TNNT1: variants seen among roughly 807,000 people sequenced by gnomAD.
TNNT1 encodes the protein troponin T1, slow skeletal type.
TNNT1 carries 53 observed loss-of-function variants against 50.6 expected under a neutral mutation model. That is an observed-to-expected ratio of 1.05 (90% confidence interval 0.84 to 1.32). The LOEUF (loss-of-function observed/expected upper bound fraction) is 1.32. Ranked by LOEUF, TNNT1 falls within the 40% of genes most tolerant of loss-of-function variation. The pLI is 0.00. For synonymous variants in TNNT1, 142 were observed against 138.0 expected (o/e 1.03, Z -0.20); for missense variants, 348 against 381.7 (o/e 0.91, Z 0.74).
chr19:55,147,234 G>A lies in TNNT1; in HGVS notation c.-11-66C>T, dbSNP rs563185689. 7 of 1,517,278 alleles carry A rather than the reference G, an allele frequency of 4.6e-6. No individual in the cohort carries two copies. The East Asian group carries it at 1.6e-4, about 35-fold the overall frequency. The allele number at this position is 1,517,278 out of a possible 1,614,324, so 94.0% of individuals were successfully genotyped here. ...AAGGAGGGGGCGACCTAGACTCCTGGGTGTGAGGGAGGAGGGGCTGGGGGC... is the reference window on the plus strand; with the variant it reads ...AAGGAGGGGGCGACCTAGACTCCTGAGTGTGAGGGAGGAGGGGCTGGGGGC... On this transcript the variant is annotated intron_variant, in intron 1 of 13. Coordinates refer to ENST00000588981, the MANE Select transcript of TNNT1 (RefSeq NM_003283.6).
chr19:55,146,149 G>T (rs978741203), intron 5 of TNNT1, among the ~76,000 whole-genome samples: 1 of 152,070 alleles, frequency 6.6e-6, no homozygotes, highest in Non-Finnish European at 1.5e-5. Flanking sequence ...GTGCTTCTCC[G>T]CAAACATCCA....
chr19:55,146,932 C>A (rs1360038509), intron 3 of TNNT1, 76 bp downstream of exon 3: 1 of 1,499,264 alleles, frequency 6.7e-7, no homozygotes, highest in African/African-American at 1.4e-5. Context: ...CGCCAAAGTG[C>A]CACACTCCTC....
chr19:55,143,628 A>G (rs1411448200), intron 6 of TNNT1, among the ~76,000 whole-genome samples: 2 of 152,170 alleles, frequency 1.3e-5, no homozygotes, highest in South Asian at 2.1e-4. Context: ...ATGGCTTACC[A>G]TATTGTACAG....
chr19:55,142,344 A>G (rs1247062120), intron 6 of TNNT1, among the ~76,000 whole-genome samples: 1 of 151,054 alleles, frequency 6.6e-6, no homozygotes, highest in East Asian at 2.0e-4. Flanking sequence ...GATGGTCTCG[A>G]TCTCCTGACC....
At chr19:55,140,719 G>C in intron 9 of TNNT1, 164 bp downstream of exon 9, 1 of 345,778 alleles carries the variant, frequency 2.9e-6, no homozygotes, top group Non-Finnish European at 4.9e-6. Flanking sequence ...AGAGGTTACA[G>C]TGAGCTGAGA....
rs78609897 is a variant in TNNT1, at chr19:55,149,062, C to T, written c.-12+99G>A. 2.5e-3 allele frequency: 1,119 copies of T among 446,036 alleles called. 6 individuals are homozygous for T. Among genetic ancestry groups the T allele is most frequent in the African/African-American group, 0.021 (1,050 of 49,892 alleles). The allele number at this position is 446,036 out of a possible 1,614,324, so 27.6% of individuals were successfully genotyped here. A position where few individuals can be genotyped will look rare whatever the true frequency, so the allele number is the denominator to read the frequency against. ...CAGTTGTATGCCCCACCTACCTCTG[C>T]ACCATTTCTCCACACCCGACATCTT... is the stretch of plus-strand genomic sequence containing the variant. On this transcript the variant is annotated intron_variant, in intron 1 of 13. Transcript: ENST00000588981.
rs544468186 is a variant in TNNT1, at chr19:55,136,734, T to G, written c.611+369A>C. ...TGTCTTGGCTATAGATGCGAGGGAC[T>G]CAGCTGGAAAATTCTCACCCGCATT... On this transcript the variant is annotated intron_variant, in intron 11 of 13. Coordinates refer to ENST00000588981, the MANE Select transcript of TNNT1 (RefSeq NM_003283.6). Among the ~76,000 whole-genome samples the G allele has an allele frequency of 3.3e-5, 5 of 152,244 alleles. No individual in the cohort carries two copies. In the South Asian group the frequency reaches 1.0e-3, roughly 32 times the overall value.
chr19:55,139,156 T>C (rs757080770), intron 9 of TNNT1, among the ~76,000 whole-genome samples: 1 of 152,146 alleles, frequency 6.6e-6, no homozygotes, highest in Non-Finnish European at 1.5e-5. Context: ...TGTGCCACCA[T>C]TACCAGCTAA....
intron 9 of TNNT1, 143 bp from the exon 10 acceptor site, chr19:55,138,217 G>A: frequency 2.1e-6 from 3 of 1,440,818 alleles, no homozygotes; most frequent in Non-Finnish European, 2.8e-6. Context: ...AGAAACGCAG[G>A]GGTACCCACT....
chr19:55,141,390 A>T (rs2560942), intron 7 of TNNT1, 88 bp from the exon 8 acceptor site: 1 of 961,280 alleles, frequency 1.0e-6, no homozygotes, highest in Non-Finnish European at 1.7e-6. Flanking sequence ...TGGTGAACTG[A>T]ACCGTTTCCC....
Position 55,141,163 on chromosome 19 carries a change from G to C in TNNT1, c.309+23C>G, listed in dbSNP as rs757458983. On this transcript the variant is annotated intron_variant, in intron 8 of 13. Transcript: ENST00000588981. ...TCCACATGGAGGGAGGAAGACCGGG[G>C]GGAACCCGGACTCTCGGCTCACAAT... The C allele has an allele frequency of 3.8e-6, 6 of 1,596,566 alleles. No individual in the cohort carries two copies. The South Asian group carries it at 5.5e-5, about 15-fold the overall frequency.
Position 55,137,975 on chromosome 19 carries a change from C to T in TNNT1, c.487G>A (p.Gly163Ser), listed in dbSNP as rs374891900. The stretch of plus-strand genomic sequence containing the variant: ...GGCTGACTCACCTTGACCAGGTAGC[C>T]GCCAAAATGGGCCCCCATGTTGGAC... ...VLSNMGAHFG[G>S]YLVKAEQKRG... Residue 163 changes from glycine (G) to serine (S), a missense_variant, in exon 10 of 14, where the codon GGC becomes AGC. Around this residue, in one of 3 missense-constraint regions of TNNT1, gnomAD observed 253 missense variants for 291.8 expected, o/e 0.87. Transcript: ENST00000588981. The T allele has an allele frequency of 4.5e-5, 73 of 1,614,094 alleles. No individual in the cohort carries two copies. Among genetic ancestry groups the T allele is most frequent in the East Asian group, 2.7e-4 (12 of 44,896 alleles).
chr19:55,138,218 G>A lies in TNNT1; in HGVS notation c.388-144C>T. 4.9e-6 allele frequency: 7 copies of A among 1,435,130 alleles called. 1 individual carries two copies. In the South Asian group the frequency reaches 8.4e-5, roughly 17 times the overall value. 88.9% of individuals were successfully genotyped at this position (1,435,130 alleles called of 1,614,324 possible). On this transcript the variant is annotated intron_variant, in intron 9 of 13. Coordinates refer to ENST00000588981, the MANE Select transcript of TNNT1 (RefSeq NM_003283.6). ...ACATCAGAACCAGCAGAAACGCAGG[G>A]GTACCCACTCCCGGCCCTGCCACGT...
chr19:55,133,733 G>A (rs987793817), intron 13 of TNNT1, 154 bp downstream of exon 13: 36 of 825,810 alleles, frequency 4.4e-5, no homozygotes, highest in Non-Finnish European at 6.1e-5. Context: ...CCAGGATTCC[G>A]AGAGCAGAGA....
At chr19:55,146,356 G>A in intron 5 of TNNT1, 78 bp downstream of exon 5, 3 of 1,085,638 alleles carry the variant, frequency 2.8e-6, no homozygotes, top group African/African-American at 3.3e-5. Context: ...GGTGGTCTTG[G>A]AGGTTGGGGC....
intron 3 of TNNT1, 42 bp from the exon 4 acceptor site, chr19:55,146,749 G>A (rs530166036): frequency 2.8e-6 from 4 of 1,449,864 alleles, no homozygotes; most frequent in African/African-American, 1.4e-5. Flanking sequence ...AGGAGCTGGG[G>A]GAGGGATGGG....
intron 11 of TNNT1, among the ~76,000 whole-genome samples, chr19:55,136,590 C>G (rs959741469): frequency 2.0e-5 from 3 of 152,194 alleles, no homozygotes; most frequent in Non-Finnish European, 4.4e-5. Context: ...CGGCGCCACT[C>G]TGGGGTGGTT....
chr19:55,135,140 C>T (rs1411690012), intron 11 of TNNT1, among the ~76,000 whole-genome samples: 2 of 152,118 alleles, frequency 1.3e-5, no homozygotes, highest in Admixed American at 6.6e-5. Context: ...GGGGTGGCTA[C>T]TCAGACGAAA....
At chr19:55,145,487 T>G in intron 6 of TNNT1, 57 bp downstream of exon 6, 1 of 1,554,598 alleles carries the variant, frequency 6.4e-7, no homozygotes, top group Non-Finnish European at 8.9e-7. Context: ...TCTCTGGGGG[T>G]AGAGGGAATA....
Sources: allele counts gnomAD v4.1 joint callset (sites outside exome capture counted in the v4.1 genomes callset), GRCh38; gene constraint gnomAD v4.1.1; regional missense constraint gnomAD v4.1.1; transcripts MANE v1.5; gene names NCBI Gene and HGNC (gene_info 2026-07-23, HGNC 2026-07-21).